ACAN: variants seen among roughly 807,000 people sequenced by gnomAD.
The protein encoded by ACAN is aggrecan.
ACAN carries 47 observed loss-of-function variants against 169.1 expected under a neutral mutation model. The observed-to-expected ratio is 0.28, with a 90% CI of 0.22 to 0.35. ACAN has a LOEUF of 0.35. ACAN is among the 10% of genes least tolerant of loss of function. The pLI is 1.00. For missense variants in ACAN, 2,716 were observed against 2,759.9 expected (o/e 0.98, Z 0.36); for synonymous variants, 1,115 against 1,112.2 (o/e 1.00, Z -0.05).
At position 88,803,717 on chromosome 15, in the gene ACAN, C is replaced by G. The variant is rs1341904734; in HGVS notation, c.-100C>G. 1 of 152,148 alleles carries G rather than the reference C, an allele frequency of 6.6e-6. No homozygotes were observed. Among genetic ancestry groups the G allele is most frequent in the Non-Finnish European group, 1.5e-5 (1 of 68,102 alleles). 9.4% of individuals were successfully genotyped at this position (152,148 alleles called of 1,614,324 possible). A position where few individuals can be genotyped will look rare whatever the true frequency, so the allele number is the denominator to read the frequency against. The stretch of plus-strand genomic sequence containing the variant: ...GCAGAGCGTCTCCCTCGCTACGCAG[C>G]GAGACCCGGGCCTCCCGGCCCCAGG... On this transcript the variant is annotated 5_prime_UTR_variant, in exon 1 of 19. Coordinates refer to ENST00000560601, the MANE Select transcript of ACAN (RefSeq NM_001369268.1).
At chr15:88,810,182 G>A (rs201872007) in intron 1 of ACAN, among the ~76,000 whole-genome samples, 2 of 152,146 alleles carry the variant, frequency 1.3e-5, no homozygotes, top group African/African-American at 4.8e-5. Flanking sequence ...TTCACACCAC[G>A]CAGGTCCCAT....
At chr15:88,847,490 GC>G in intron 8 of ACAN, 73 bp downstream of exon 8, 1 of 1,438,444 alleles carries the variant, frequency 7.0e-7, no homozygotes, top group South Asian at 1.5e-5. Flanking sequence ...GCCTGACACC[GC>G]CCCCAGCACA....
At chr15:88,836,358 A>G (rs765345363) in intron 2 of ACAN, 82 bp downstream of exon 2, 23 of 1,226,588 alleles carry the variant, frequency 1.9e-5, no homozygotes, top group Non-Finnish European at 2.7e-5. Context: ...ACCTGGTGCT[A>G]CTGGTCCCAG....
In ACAN at chr15:88,840,256, G is replaced by A; in HGVS notation, c.629+70G>A. On this transcript the variant is annotated intron_variant, in intron 4 of 18. Transcript: ENST00000560601. ...CACAGGGGAGTGGGGCGGGTGCTGG[G>A]TGGAACGTTGGCCAGCACTGAGCTG... 7 of 1,476,178 alleles carry A rather than the reference G, an allele frequency of 4.7e-6. No homozygotes were observed. The Admixed American group carries it at 1.3e-4, about 27-fold the overall frequency. The allele number at this position is 1,476,178 out of a possible 1,614,324, so 91.4% of individuals were successfully genotyped here.
At chr15:88,827,819 T>A (rs954004037) in intron 1 of ACAN, among the ~76,000 whole-genome samples, 2 of 152,198 alleles carry the variant, frequency 1.3e-5, no homozygotes, top group Admixed American at 1.3e-4. Flanking sequence ...ATCAGCACTT[T>A]AGAGGTAAGG....
At chr15:88,816,852 C>T (rs909482394) in intron 1 of ACAN, among the ~76,000 whole-genome samples, 4 of 152,218 alleles carry the variant, frequency 2.6e-5, no homozygotes, top group African/African-American at 9.6e-5. Flanking sequence ...GTCAGAGCCA[C>T]CTTCAGGAGA....
At position 88,849,661 on chromosome 15, in the gene ACAN, G is replaced by A. The variant is rs777892820; in HGVS notation, c.1956G>A (p.Thr652=). 15 of 1,613,698 alleles carry A rather than the reference G, an allele frequency of 9.3e-6. No homozygotes were observed. The highest frequency in any genetic ancestry group is 2.2e-5 in the South Asian group (2 of 91,070). ...GTGGGGACAAGCCAGGCGTGAGAAC[G>A]GTCTACCTCTACCCTAACCAGACGG... ...ACGGDKPGVR[T]VYLYPNQTGL... The change falls in exon 10 of 19, where the codon ACG becomes ACA. Residue 652 remains threonine, a synonymous_variant. Transcript: ENST00000560601. This position sits in a 1 kb window ranked among gnomAD's most constrained non-coding sequence, Gnocchi z 5.1.
chr15:88,823,206 G>T (rs894193547), intron 1 of ACAN, among the ~76,000 whole-genome samples: 1 of 152,182 alleles, frequency 6.6e-6, no homozygotes, highest in African/African-American at 2.4e-5. Flanking sequence ...AGGGAATTTA[G>T]CTCTTGGCCC....
At chr15:88,829,133 T>A (rs1896297445) in intron 1 of ACAN, among the ~76,000 whole-genome samples, 1 of 151,986 alleles carries the variant, frequency 6.6e-6, no homozygotes, top group African/African-American at 2.4e-5. Context: ...GATGCTTCAG[T>A]GATGACAGAG....
Position 88,849,085 on chromosome 15 carries a change from T to C in ACAN, c.1733-353T>C, listed in dbSNP as rs1044248041. Among the ~76,000 whole-genome samples, 1 of 152,136 alleles carries C rather than the reference T, an allele frequency of 6.6e-6. No homozygotes were observed. Among genetic ancestry groups the C allele is most frequent in the Non-Finnish European group, 1.5e-5 (1 of 68,014 alleles). Reference sequence around the variant, plus strand: ...TTGGAGGGGGCCCAGGCGAGCTGCCTCGCTTAGCCAAGGGAGGGGGTGCCT... The same window carrying C: ...TTGGAGGGGGCCCAGGCGAGCTGCCCCGCTTAGCCAAGGGAGGGGGTGCCT... On this transcript the variant is annotated intron_variant, in intron 9 of 18. Transcript: ENST00000560601. The surrounding 1 kb of genome is among the most constrained non-coding windows in gnomAD (Gnocchi z 5.1).
chr15:88,849,882 A>G lies in ACAN; in HGVS notation c.2026+151A>G. 1 of 1,150,534 alleles carries G rather than the reference A, an allele frequency of 8.7e-7. No homozygotes were observed. Among genetic ancestry groups the G allele is most frequent in the Non-Finnish European group, 1.3e-6 (1 of 791,704 alleles). The allele number at this position is 1,150,534 out of a possible 1,614,324, so 71.3% of individuals were successfully genotyped here. ...CAGAGCCAGCTCTGAAACCAGCACA[A>G]CGCAGGCTTTGACCCCAAGGCAAGG... On this transcript the variant is annotated intron_variant, in intron 10 of 18. Transcript: ENST00000560601. This position sits in a 1 kb window ranked among gnomAD's most constrained non-coding sequence, Gnocchi z 5.1.
chr15:88,854,351 GT>G (rs1402533020), intron 11 of ACAN, among the ~76,000 whole-genome samples: 1 of 152,206 alleles, frequency 6.6e-6, no homozygotes, highest in Non-Finnish European at 1.5e-5. Context: ...CTGGGGTGAG[GT>G]CTAGGAATTT....
At chr15:88,867,010 G>C (rs1673779636) in intron 13 of ACAN, among the ~76,000 whole-genome samples, 1 of 152,188 alleles carries the variant, frequency 6.6e-6, no homozygotes, top group South Asian at 2.1e-4. Context: ...ACTCACTGCA[G>C]AATTTTACTG....
chr15:88,843,653 G>A lies in ACAN; in HGVS notation c.1051+5G>A. On this transcript the variant is annotated splice_donor_5th_base_variant and intron_variant, in intron 6 of 18. Transcript: ENST00000560601. The surrounding 1 kb of genome is among the most constrained non-coding windows in gnomAD (Gnocchi z 4.0). The stretch of plus-strand genomic sequence containing the variant: ...ACGACGCCATCTGCTACACAGGTGG[G>A]GCACGGCTGGTGGTGGGAAGGGAGT... The A allele has an allele frequency of 6.4e-7, 1 of 1,562,028 alleles. No individual in the cohort carries two copies. The highest frequency in any genetic ancestry group is 8.7e-7 in the Non-Finnish European group (1 of 1,146,444).
intron 1 of ACAN, among the ~76,000 whole-genome samples, chr15:88,822,918 G>A (rs1200323709): frequency 6.6e-6 from 1 of 152,178 alleles, no homozygotes; most frequent in East Asian, 1.9e-4. Flanking sequence ...GATTGGACTA[G>A]TCACCCCTTG....
chr15:88,819,557 G>T (rs1324890123), intron 1 of ACAN, among the ~76,000 whole-genome samples: 1 of 147,300 alleles, frequency 6.8e-6, no homozygotes, highest in Non-Finnish European at 1.5e-5. Flanking sequence ...GAAGTCAGAA[G>T]TCTGAGAGCA....
rs575101252 is a variant in ACAN, at chr15:88,852,119, C to T, written c.2266+86C>T. ...TGTGCCTGGTGGGGCGGGGGGGTTC[C>T]CTCCCTGGGATTTGTGCTGTTTCCC... On this transcript the variant is annotated intron_variant, in intron 11 of 18. Coordinates refer to ENST00000560601, the MANE Select transcript of ACAN (RefSeq NM_001369268.1). 27 of 1,493,634 alleles carry T rather than the reference C, an allele frequency of 1.8e-5. No homozygotes were observed. In the East Asian group the frequency reaches 6.2e-4, roughly 34 times the overall value. 92.5% of individuals were successfully genotyped at this position (1,493,634 alleles called of 1,614,324 possible). A position where few individuals can be genotyped will look rare whatever the true frequency, so the allele number is the denominator to read the frequency against.
At chr15:88,833,513 G>A (rs958168953) in intron 1 of ACAN, among the ~76,000 whole-genome samples, 6 of 152,160 alleles carry the variant, frequency 3.9e-5, no homozygotes, top group Non-Finnish European at 5.9e-5. Context: ...ACTCAGGGCT[G>A]CCAAAGTCAG....
rs11352043 is a variant in ACAN at position 88,822,469 on chromosome 15, G to GT, written c.-7-13717dup. 7.5e-3 allele frequency among the ~76,000 whole-genome samples: 1,103 copies of GT among 146,240 alleles called. 13 individuals are homozygous for GT. Among genetic ancestry groups the GT allele is most frequent in the African/African-American group, 0.023 (903 of 40,014 alleles). ...CCATGATCCAAGGAGCTAACTACAT[G>GT]TTTTTTTTTTTTTTGAGATGGAGTT... On this transcript the variant is annotated intron_variant, in intron 1 of 18. Transcript: ENST00000560601.
Sources: gnomAD v4.1 joint callset for allele counts (sites outside exome capture counted in the v4.1 genomes callset) on GRCh38, gnomAD v4.1.1 for gene constraint, Gnocchi (gnomAD v3.1) non-coding constraint, MANE v1.5 for transcripts, NCBI Gene and HGNC (gene_info 2026-07-23, HGNC 2026-07-21) for gene names.